Variants in CHRM2 observed in about 807,000 individuals in gnomAD.
CHRM2 encodes muscarinic acetylcholine receptor M2.
CHRM2 carries 8 observed loss-of-function variants against 25.0 expected under a neutral mutation model. That is an observed-to-expected ratio of 0.32 (90% confidence interval 0.19 to 0.58). The LOEUF (loss-of-function observed/expected upper bound fraction) is 0.58, where lower values mean the gene tolerates loss of function less well. CHRM2 is among the 20% of genes least tolerant of loss of function. The probability of loss-of-function intolerance (pLI) is 0.88; values close to 1 mark genes in which losing one functional copy is unlikely to be tolerated. For missense variants in CHRM2, 440 were observed against 567.1 expected (o/e 0.78, Z 2.28); for synonymous variants, 202 against 205.7 (o/e 0.98, Z 0.15).
chr7:136,902,711 C>T (rs946628157), intron 2 of CHRM2: 1 of 171,720 alleles, frequency 5.8e-6, no homozygotes, highest in African/African-American at 2.4e-5. Flanking sequence ...AGTTTTTAAA[C>T]ATGACTATCA....
intron 2 of CHRM2, among the ~76,000 whole-genome samples, chr7:136,895,275 G>A (rs1424304256): frequency 2.0e-5 from 3 of 152,092 alleles, no homozygotes; most frequent in Non-Finnish European, 2.9e-5. Context: ...TATAATTTGA[G>A]TATGTATAAG....
intron 2 of CHRM2, among the ~76,000 whole-genome samples, chr7:136,989,403 T>C (rs184754163): frequency 1.3e-5 from 2 of 152,266 alleles, no homozygotes; most frequent in African/African-American, 2.4e-5. Context: ...CTTAGTATGA[T>C]GCATACTTAC....
In CHRM2 at chr7:137,014,690, T is replaced by C; in HGVS notation, c.-46-130T>C. The stretch of plus-strand genomic sequence containing the variant: ...TTTTTACATGGGGAATTGAGGCAGG[T>C]AGACACAGTAATCATGCAGGGGAAG... On this transcript the variant is annotated intron_variant, in intron 3 of 3. Coordinates refer to ENST00000680005, the MANE Select transcript of CHRM2 (RefSeq NM_001006630.2). The C allele has an allele frequency of 4.5e-6, 3 of 663,550 alleles. No homozygotes were observed. The South Asian group carries it at 5.8e-5, about 13-fold the overall frequency. 41.1% of individuals were successfully genotyped at this position (663,550 alleles called of 1,614,324 possible). A position where few individuals can be genotyped will look rare whatever the true frequency, so the allele number is the denominator to read the frequency against.
intron 2 of CHRM2, among the ~76,000 whole-genome samples, chr7:136,976,056 T>C (rs146981792): frequency 6.6e-6 from 1 of 152,260 alleles, no homozygotes; most frequent in East Asian, 1.9e-4. Flanking sequence ...TAACTAGATC[T>C]TGAAGAATGG....
At chr7:136,979,975 T>C (rs1802372603) in intron 2 of CHRM2, among the ~76,000 whole-genome samples, 1 of 152,258 alleles carries the variant, frequency 6.6e-6, no homozygotes, top group Non-Finnish European at 1.5e-5. Flanking sequence ...TTTCTAATTC[T>C]GTGAAGAAAG....
intron 2 of CHRM2, among the ~76,000 whole-genome samples, chr7:136,931,161 C>T (rs79772188): frequency 7.4e-4 from 112 of 152,160 alleles, no homozygotes; most frequent in African/African-American, 2.6e-3. Context: ...GTGTAAATAA[C>T]AGATAGAAAC....
In CHRM2 at chr7:136,930,898, C is replaced by CAAAAAAAAAAAAAAAAAAA. The variant is rs57705639; in HGVS notation, c.-124-61278_-124-61260dup. On this transcript the variant is annotated intron_variant, in intron 2 of 3. Coordinates refer to ENST00000680005, the MANE Select transcript of CHRM2 (RefSeq NM_001006630.2). Reference sequence around the variant, plus strand: ...GGCTACAGAGCCAGACTCATTCTCTCAAAAAAAAAAAAAAAAAAAAAAAAA... The same window carrying CAAAAAAAAAAAAAAAAAAA: ...GGCTACAGAGCCAGACTCATTCTCTCAAAAAAAAAAAAAAAAAAAAAAAAAAAAAAAAAAAAAAAAAAAA... Among the ~76,000 whole-genome samples the CAAAAAAAAAAAAAAAAAAA allele has an allele frequency of 6.2e-4, 38 of 61,154 alleles. 3 individuals are homozygous for CAAAAAAAAAAAAAAAAAAA. Among genetic ancestry groups the CAAAAAAAAAAAAAAAAAAA allele is most frequent in the Non-Finnish European group, 1.0e-3 (27 of 26,684 alleles). 40.1% of individuals were successfully genotyped at this position (61,154 alleles called of 152,430 possible). A position where few individuals can be genotyped will look rare whatever the true frequency, so the allele number is the denominator to read the frequency against.
chr7:136,872,727 T>A (rs1316612142), intron 2 of CHRM2, among the ~76,000 whole-genome samples: 3 of 151,768 alleles, frequency 2.0e-5, no homozygotes, highest in Non-Finnish European at 4.4e-5. Flanking sequence ...CCCACAACAA[T>A]GAGTAAAGTT....
intron 3 of CHRM2, among the ~76,000 whole-genome samples, chr7:137,005,586 C>T (rs1804367767): frequency 6.6e-6 from 1 of 152,000 alleles, no homozygotes; most frequent in South Asian, 2.1e-4. Flanking sequence ...TTGTTCCTCC[C>T]TTTAAAGTTG....
intron 2 of CHRM2, among the ~76,000 whole-genome samples, chr7:136,873,393 A>T (rs572104447): frequency 9.8e-5 from 15 of 152,292 alleles, no homozygotes; most frequent in African/African-American, 3.6e-4. Flanking sequence ...GCATCTTCCC[A>T]TATGATATTT....
chr7:136,948,958 G>T (rs746608984), intron 2 of CHRM2, among the ~76,000 whole-genome samples: 54 of 152,270 alleles, frequency 3.5e-4, no homozygotes, highest in Middle Eastern at 6.8e-3. Context: ...GTGCAGCTAT[G>T]GAAGGCAATC....
At chr7:136,972,454 G>C (rs1554428243) in intron 2 of CHRM2, among the ~76,000 whole-genome samples, 1 of 151,698 alleles carries the variant, frequency 6.6e-6, no homozygotes, top group Non-Finnish European at 1.5e-5. Context: ...CTCTCCTTCT[G>C]TCAGTGACAC....
At chr7:136,918,737 T>C (rs1798258629) in intron 2 of CHRM2, among the ~76,000 whole-genome samples, 1 of 152,004 alleles carries the variant, frequency 6.6e-6, no homozygotes, top group Non-Finnish European at 1.5e-5. Flanking sequence ...AAGTGACAGA[T>C]TTGATATTGT....
intron 2 of CHRM2, among the ~76,000 whole-genome samples, chr7:136,984,074 T>G (rs324623): frequency 0.88 from 134,422 of 152,142 alleles, 59,819 homozygotes; most frequent in Middle Eastern, 0.97. Flanking sequence ...GTCCCAGGGA[T>G]ATGGGAATTT....
At chr7:136,891,430 A>G (rs1353919028) in intron 2 of CHRM2, among the ~76,000 whole-genome samples, 1 of 152,178 alleles carries the variant, frequency 6.6e-6, no homozygotes, top group Non-Finnish European at 1.5e-5. Flanking sequence ...TTCTCTGGTT[A>G]GAATGGGGTG....
chr7:136,874,235 A>C (rs1795958115), intron 2 of CHRM2, among the ~76,000 whole-genome samples: 1 of 152,168 alleles, frequency 6.6e-6, no homozygotes, highest in African/African-American at 2.4e-5. Context: ...TATTATCCAC[A>C]TGTGCTTTGA....
intron 2 of CHRM2, among the ~76,000 whole-genome samples, chr7:136,878,116 T>C (rs192333741): frequency 8.1e-4 from 123 of 152,114 alleles, no homozygotes; most frequent in African/African-American, 2.9e-3. Context: ...GCTTCTACCA[T>C]AACCAGCATG....
Position 136,992,985 on chromosome 7 carries a change from C to T in CHRM2, c.-47+721C>T, listed in dbSNP as rs10228148. On this transcript the variant is annotated intron_variant, in intron 3 of 3. Transcript: ENST00000680005. ...TTACTTAAATTCAACTGATTGTACACGTTAATTATATATACAAAATACCTT... is the reference window on the plus strand; with the variant it reads ...TTACTTAAATTCAACTGATTGTACATGTTAATTATATATACAAAATACCTT... Among the ~76,000 whole-genome samples the T allele has an allele frequency of 6.3e-3, 956 of 152,188 alleles. 9 individuals carry two copies. Among genetic ancestry groups the T allele is most frequent in the African/African-American group, 0.022 (922 of 41,522 alleles).
intron 2 of CHRM2, among the ~76,000 whole-genome samples, chr7:136,923,146 A>AT (rs1381095626): frequency 6.6e-6 from 1 of 151,868 alleles, no homozygotes; most frequent in Non-Finnish European, 1.5e-5. Context: ...TATGGAAGAT[A>AT]TTTTCTTTAA....
Sources: allele counts gnomAD v4.1 joint callset (sites outside exome capture counted in the v4.1 genomes callset), GRCh38; gene constraint gnomAD v4.1.1; transcripts MANE v1.5; gene names NCBI Gene and HGNC (gene_info 2026-07-23, HGNC 2026-07-21).